The following RAPGEF5 variants were observed in gnomAD, a reference collection of about 807,000 sequenced individuals.
The protein encoded by RAPGEF5 is Rap guanine nucleotide exchange factor 5.
RAPGEF5 carries 65 observed loss-of-function variants against 125.2 expected under a neutral mutation model. The observed-to-expected ratio is 0.52, with a 90% CI of 0.43 to 0.64. RAPGEF5 has a LOEUF of 0.64. Among genes scored for constraint, RAPGEF5 ranks in the 30% least tolerant of loss-of-function variants. The probability of loss-of-function intolerance (pLI) is 0.00; values close to 1 mark genes in which losing one functional copy is unlikely to be tolerated. For missense variants in RAPGEF5, 958 were observed against 1,048.1 expected (o/e 0.91, Z 1.19); for synonymous variants, 391 against 385.9 (o/e 1.01, Z -0.16).
At chr7:22,302,669 A>G (rs1051188953) in intron 5 of RAPGEF5, among the ~76,000 whole-genome samples, 6 of 152,136 alleles carry the variant, frequency 3.9e-5, no homozygotes, top group Non-Finnish European at 8.8e-5. Flanking sequence ...AGAAATACAG[A>G]GACTGGGCTC....
chr7:22,332,788 G>A (rs1448775444), intron 1 of RAPGEF5, among the ~76,000 whole-genome samples: 1 of 152,268 alleles, frequency 6.6e-6, no homozygotes, highest in East Asian at 1.9e-4. Flanking sequence ...TAACCAACAG[G>A]TGGCACATTA....
intron 7 of RAPGEF5, among the ~76,000 whole-genome samples, chr7:22,248,738 C>T (rs1376462444): frequency 1.3e-5 from 2 of 152,188 alleles, no homozygotes; most frequent in Non-Finnish European, 2.9e-5. Flanking sequence ...AGAACTTGCA[C>T]TTAGTTCTAC....
chr7:22,224,548 C>T (rs1785869879), intron 8 of RAPGEF5, among the ~76,000 whole-genome samples: 1 of 152,112 alleles, frequency 6.6e-6, no homozygotes. Flanking sequence ...ACCTGGAAAC[C>T]TGTTCTGTGG....
intron 5 of RAPGEF5, among the ~76,000 whole-genome samples, chr7:22,295,069 A>C (rs1006976938): frequency 1.8e-4 from 28 of 152,184 alleles, no homozygotes; most frequent in African/African-American, 6.8e-4. Context: ...GTATGCTTTG[A>C]TCAACATCTC....
chr7:22,317,999 A>G lies in RAPGEF5; in HGVS notation c.270T>C (p.His90=), dbSNP rs1227147324. The change falls in exon 2 of 26, where the codon CAT becomes CAC. Residue 90 remains histidine, a synonymous_variant. Transcript: ENST00000665637. The stretch of plus-strand genomic sequence containing the variant: ...AAAGGAATCATACCTGGGAAGGCGT[A>G]TGTTCAAGGTACGGATTAGATATTC... ...SRRISNPYLE[H]TPSQIYGENS... The G allele has an allele frequency of 1.3e-6, 2 of 1,548,508 alleles. No individual in the cohort carries two copies. Among genetic ancestry groups the G allele is most frequent in the South Asian group, 2.4e-5 (2 of 83,196 alleles).
intron 11 of RAPGEF5, among the ~76,000 whole-genome samples, chr7:22,173,905 G>A (rs918230211): frequency 6.6e-6 from 1 of 152,152 alleles, no homozygotes; most frequent in Non-Finnish European, 1.5e-5. Flanking sequence ...CATGGCATAT[G>A]CATGCGTCTG....
chr7:22,122,146 A>T lies in RAPGEF5; in HGVS notation c.*260T>A. ...ACTGGATCAACAATGTGATCATAAGAAACCAGCCTTCTCCATCTCAAGAAT... is the reference window on the plus strand; with the variant it reads ...ACTGGATCAACAATGTGATCATAAGTAACCAGCCTTCTCCATCTCAAGAAT... On this transcript the variant is annotated 3_prime_UTR_variant, in exon 26 of 26. Transcript: ENST00000665637. 1 of 417,748 alleles carries T rather than the reference A, an allele frequency of 2.4e-6. No individual in the cohort carries two copies. The highest frequency in any genetic ancestry group is 4.4e-6 in the Non-Finnish European group (1 of 225,604). 25.9% of individuals were successfully genotyped at this position (417,748 alleles called of 1,614,324 possible).
At chr7:22,321,573 T>C (rs1783715667) in intron 1 of RAPGEF5, among the ~76,000 whole-genome samples, 2 of 152,188 alleles carry the variant, frequency 1.3e-5, no homozygotes, top group African/African-American at 4.8e-5. Context: ...CTGAATCACT[T>C]CAGTCACTAC....
chr7:22,318,449 C>T (rs1178552795), intron 1 of RAPGEF5, among the ~76,000 whole-genome samples: 4 of 152,194 alleles, frequency 2.6e-5, no homozygotes, highest in African/African-American at 9.7e-5. Context: ...GTCACATCCC[C>T]TTTAGGCCAT....
intron 9 of RAPGEF5, among the ~76,000 whole-genome samples, chr7:22,209,099 A>T (rs531982724): frequency 3.9e-5 from 6 of 152,350 alleles, no homozygotes; most frequent in Admixed American, 3.3e-4. Context: ...TGGAAATGGG[A>T]TCTACTGACA....
At chr7:22,330,804 T>C (rs1783901987) in intron 1 of RAPGEF5, among the ~76,000 whole-genome samples, 1 of 152,208 alleles carries the variant, frequency 6.6e-6, no homozygotes, top group Non-Finnish European at 1.5e-5. Flanking sequence ...AGACAACAGC[T>C]ACATTTAATA....
chr7:22,260,532 T>A (rs892736486), intron 7 of RAPGEF5, among the ~76,000 whole-genome samples: 40 of 124,116 alleles, frequency 3.2e-4, no homozygotes, highest in East Asian at 1.8e-3. Context: ...TTAGGACCAG[T>A]AAAAAAAAAA....
intron 9 of RAPGEF5, among the ~76,000 whole-genome samples, chr7:22,216,734 T>A (rs1374327570): frequency 6.6e-6 from 1 of 152,226 alleles, no homozygotes; most frequent in Non-Finnish European, 1.5e-5. Flanking sequence ...GAGTGCTTGC[T>A]CATTGTGCCT....
intron 5 of RAPGEF5, among the ~76,000 whole-genome samples, chr7:22,294,870 C>T (rs983689290): frequency 3.3e-5 from 5 of 152,222 alleles, no homozygotes; most frequent in African/African-American, 1.2e-4. Context: ...CTTCCCGTCT[C>T]ACTTAGCATA....
At chr7:22,250,670 A>AAG (rs770296159) in intron 7 of RAPGEF5, among the ~76,000 whole-genome samples, 249 of 152,300 alleles carry the variant, frequency 1.6e-3, no homozygotes, top group African/African-American at 5.5e-3. Context: ...GGGGGGAAAA[A>AAG]AAGGCCTTCA....
In RAPGEF5 at chr7:22,132,732, C is replaced by T. The variant is rs749575115; in HGVS notation, c.2417-1631G>A. 3.2e-4 allele frequency among the ~76,000 whole-genome samples: 48 copies of T among 152,164 alleles called. 1 individual carries two copies. The highest frequency in any genetic ancestry group is 2.6e-3 in the Admixed American group (40 of 15,276). ...TTTATCCCTCACCTGCCCCTCACCCCTCTTCCTAGGGATGATGAGGAGGGC... is the reference window on the plus strand; with the variant it reads ...TTTATCCCTCACCTGCCCCTCACCCTTCTTCCTAGGGATGATGAGGAGGGC... On this transcript the variant is annotated intron_variant, in intron 23 of 25. Coordinates refer to ENST00000665637, the MANE Select transcript of RAPGEF5 (RefSeq NM_012294.5).
Position 22,145,165 on chromosome 7 carries a change from G to A in RAPGEF5, c.2065C>T (p.Leu689Phe). Residue 689 changes from leucine (L) to phenylalanine (F), a missense_variant, in exon 20 of 26, where the codon CTC becomes TTC. Transcript: ENST00000665637. The stretch of plus-strand genomic sequence containing the variant: ...TTGCATCTCTGGAGCAGAAGGCTGA[G>A]ATTTGCAGTGTGTTCCCCACTTCCC... The part of the protein sequence containing the change: ...RQGSGEHTAN[L>F]SLLLQRCNEV... 6.2e-7 allele frequency: 1 copy of A among 1,613,622 alleles called. No homozygotes were observed. The highest frequency in any genetic ancestry group is 1.7e-4 in the Middle Eastern group (1 of 6,060).
chr7:22,290,613 C>T (rs955600418), intron 6 of RAPGEF5, among the ~76,000 whole-genome samples: 12 of 151,226 alleles, frequency 7.9e-5, no homozygotes, highest in East Asian at 3.9e-4. Context: ...GGCGTAGTGG[C>T]GGGCGCCTGT....
intron 11 of RAPGEF5, among the ~76,000 whole-genome samples, chr7:22,176,184 C>A (rs867830222): frequency 1.3e-5 from 2 of 152,144 alleles, no homozygotes; most frequent in Non-Finnish European, 2.9e-5. Flanking sequence ...ACCATCAGAT[C>A]TCATGAGACT....
Sources: gnomAD v4.1 joint callset for allele counts (sites outside exome capture counted in the v4.1 genomes callset) on GRCh38, gnomAD v4.1.1 for gene constraint, MANE v1.5 for transcripts, NCBI Gene and HGNC (gene_info 2026-07-23, HGNC 2026-07-21) for gene names.